PKIG: variants seen among roughly 807,000 people sequenced by gnomAD.
The protein encoded by PKIG is cAMP-dependent protein kinase inhibitor gamma.
Under a neutral mutation model 6.8 loss-of-function variants are expected in PKIG, and 1 was observed. That is an observed-to-expected ratio of 0.15 (90% CI 0.05 to 0.69). The LOEUF (loss-of-function observed/expected upper bound fraction) is 0.69. PKIG is among the 30% of genes least tolerant of loss of function. PKIG has a pLI of 0.82. For synonymous variants in PKIG, 39 were observed against 43.0 expected (o/e 0.91, Z 0.36); for missense variants, 77 against 104.0 (o/e 0.74, Z 1.13).
intron 1 of PKIG, among the ~76,000 whole-genome samples, chr20:44,577,537 G>T (rs969349534): frequency 6.6e-6 from 1 of 152,064 alleles, no homozygotes; most frequent in Non-Finnish European, 1.5e-5. Context: ...CTGTTCTTCT[G>T]TATTTTCTTA....
chr20:44,533,003 T>G (rs1292133260), intron 1 of PKIG, among the ~76,000 whole-genome samples: 2 of 152,080 alleles, frequency 1.3e-5, no homozygotes, highest in Non-Finnish European at 2.9e-5. Context: ...GTTTGGGCTT[T>G]GTGTTGGGGG....
At chr20:44,545,162 C>G (rs1037172636) in intron 1 of PKIG, among the ~76,000 whole-genome samples, 14 of 152,008 alleles carry the variant, frequency 9.2e-5, no homozygotes, top group African/African-American at 3.4e-4. Context: ...TCTCGAACTC[C>G]TGACCTCAGG....
chr20:44,578,556 C>T (rs183794963), upstream of PKIG, among the ~76,000 whole-genome samples: 398 of 151,074 alleles, frequency 2.6e-3, 2 homozygotes, highest in Non-Finnish European at 3.5e-3. Context: ...TTCTCCCTCT[C>T]ACACTTGCTC....
At chr20:44,568,463 A>T (rs2064828115) in intron 1 of PKIG, among the ~76,000 whole-genome samples, 1 of 151,604 alleles carries the variant, frequency 6.6e-6, no homozygotes, top group South Asian at 2.1e-4. Flanking sequence ...CCTTAACATT[A>T]AAGTGAGACT....
At chr20:44,599,641 GAA>G (rs2065104008) in intron 2 of PKIG, among the ~76,000 whole-genome samples, 8 of 152,176 alleles carry the variant, frequency 5.3e-5, no homozygotes, top group African/African-American at 1.9e-4. Context: ...AGAATCGCTT[GAA>G]CCTGGGAGGC....
chr20:44,599,637 G>C (rs895487254), intron 2 of PKIG, among the ~76,000 whole-genome samples: 1 of 152,090 alleles, frequency 6.6e-6, no homozygotes, highest in Non-Finnish European at 1.5e-5. Context: ...CAGGAGAATC[G>C]CTTGAACCTG....
chr20:44,537,891 G>A (rs1339708920), intron 1 of PKIG, among the ~76,000 whole-genome samples: 1 of 151,936 alleles, frequency 6.6e-6, no homozygotes, highest in Non-Finnish European at 1.5e-5. Context: ...CAGCCATCCT[G>A]TAAATATACT....
intron 1 of PKIG, among the ~76,000 whole-genome samples, chr20:44,585,853 G>A (rs2064985929): frequency 6.6e-6 from 1 of 152,334 alleles, no homozygotes; most frequent in East Asian, 1.9e-4. Context: ...GGTGTCTACC[G>A]TTTCTTTCGA....
At position 44,614,589 on chromosome 20, in the gene PKIG, C is replaced by T. The variant is rs762724888; in HGVS notation, c.33C>T (p.Phe11=). MMEVESSYSD[F]ISCDRTGRRN... is the part of the protein sequence containing the mutation. ...AGGTCGAGTCCTCCTACTCGGACTTCATCTCCTGTGACCGGACAGGCCGTC... is the reference window on the plus strand; with the variant it reads ...AGGTCGAGTCCTCCTACTCGGACTTTATCTCCTGTGACCGGACAGGCCGTC... Residue 11 remains phenylalanine (F), a synonymous_variant, in exon 3 of 4, where the codon TTC becomes TTT. Transcript: ENST00000372886. This position sits in a 1 kb window ranked among gnomAD's most constrained non-coding sequence, Gnocchi z 4.6. 1 of 1,614,130 alleles carries T rather than the reference C, an allele frequency of 6.2e-7. No homozygotes were observed. Among genetic ancestry groups the T allele is most frequent in the South Asian group, 1.1e-5 (1 of 91,082 alleles).
chr20:44,597,237 A>G (rs2065082782), intron 2 of PKIG, among the ~76,000 whole-genome samples: 1 of 143,218 alleles, frequency 7.0e-6, no homozygotes, highest in Admixed American at 7.1e-5. Context: ...GCATTATTAG[A>G]ATAATAATAA....
chr20:44,541,935 C>G (rs2064565629), intron 1 of PKIG, among the ~76,000 whole-genome samples: 1 of 152,088 alleles, frequency 6.6e-6, no homozygotes, highest in African/African-American at 2.4e-5. Context: ...ATGATCCACC[C>G]CCCTCGGCTT....
At chr20:44,550,920 T>C (rs757817930) in intron 1 of PKIG, among the ~76,000 whole-genome samples, 3 of 152,210 alleles carry the variant, frequency 2.0e-5, no homozygotes, top group Non-Finnish European at 2.9e-5. Flanking sequence ...TGAGCACCTG[T>C]ATCAAAAACC....
At position 44,593,726 on chromosome 20, in the gene PKIG, G is replaced by A. The variant is rs538975502; in HGVS notation, c.-24+3860G>A. Among the ~76,000 whole-genome samples the A allele has an allele frequency of 5.3e-5, 8 of 152,316 alleles. No homozygotes were observed. In the South Asian group the frequency reaches 1.0e-3, roughly 20 times the overall value. Reference sequence around the variant, plus strand: ...GTTAATAATATGGTATTGTATACTTGAAATTTGCTAAGAGAGTAGATCTTA... The same window carrying A: ...GTTAATAATATGGTATTGTATACTTAAAATTTGCTAAGAGAGTAGATCTTA... On this transcript the variant is annotated intron_variant, in intron 2 of 3. Coordinates refer to ENST00000372886, the MANE Select transcript of PKIG (RefSeq NM_001281445.2).
In PKIG at chr20:44,533,682, C is replaced by CA. The variant is rs879796462; in HGVS notation, c.-241+1715dup. Reference sequence around the variant, plus strand: ...AAAGAGATCCATCCAGAGAGGTTGACAAAAAAAAAAAGGCTGAGATTATTC... The same window carrying CA: ...AAAGAGATCCATCCAGAGAGGTTGACAAAAAAAAAAAAGGCTGAGATTATTC... On this transcript the variant is annotated intron_variant, in intron 1 of 4. Coordinates refer to the PKIG transcript ENST00000372887. Among the ~76,000 whole-genome samples, 1,184 of 132,538 alleles carry CA rather than the reference C, an allele frequency of 8.9e-3. 7 individuals are homozygous for CA. Among genetic ancestry groups the CA allele is most frequent in the Non-Finnish European group, 0.013 (816 of 61,262 alleles). 87.0% of individuals were successfully genotyped at this position (132,538 alleles called of 152,430 possible). A position where few individuals can be genotyped will look rare whatever the true frequency, so the allele number is the denominator to read the frequency against.
At chr20:44,609,757 C>T (rs1404879038) in intron 2 of PKIG, among the ~76,000 whole-genome samples, 1 of 152,162 alleles carries the variant, frequency 6.6e-6, no homozygotes, top group Non-Finnish European at 1.5e-5. Context: ...GCTCCGGGAG[C>T]CAGTGTGGCC....
At chr20:44,535,395 C>T (rs867944329) in intron 1 of PKIG, among the ~76,000 whole-genome samples, 3 of 152,288 alleles carry the variant, frequency 2.0e-5, no homozygotes, top group South Asian at 2.1e-4. Context: ...AATCCCAGCA[C>T]TTTGGGAGGC....
intron 1 of PKIG, among the ~76,000 whole-genome samples, chr20:44,543,385 C>G (rs1426284304): frequency 6.6e-6 from 1 of 151,852 alleles, no homozygotes; most frequent in Admixed American, 6.6e-5. Flanking sequence ...CAAACTTACT[C>G]TATAGTAAGT....
chr20:44,600,050 G>A (rs1158482491), intron 2 of PKIG, among the ~76,000 whole-genome samples: 1 of 152,180 alleles, frequency 6.6e-6, no homozygotes, highest in East Asian at 1.9e-4. Context: ...AAAAACCAAG[G>A]CCAGGAATCC....
intron 2 of PKIG, among the ~76,000 whole-genome samples, chr20:44,612,893 CCT>C (rs1335041724): frequency 2.6e-5 from 4 of 152,140 alleles, no homozygotes; most frequent in Non-Finnish European, 5.9e-5. Context: ...CAGGGAAGTA[CCT>C]CTGTGTTCAT....
Sources: gnomAD v4.1 joint callset for allele counts (sites outside exome capture counted in the v4.1 genomes callset) on GRCh38, gnomAD v4.1.1 for gene constraint, Gnocchi (gnomAD v3.1) non-coding constraint, MANE v1.5 for transcripts, NCBI Gene and HGNC (gene_info 2026-07-23, HGNC 2026-07-21) for gene names.